Variants in CNTNAP2 observed in about 807,000 individuals in gnomAD.
CNTNAP2 encodes the protein contactin-associated protein-like 2.
A neutral mutation model predicts 155.2 loss-of-function variants in CNTNAP2; 98 were observed. That is an observed-to-expected ratio of 0.63 (90% CI 0.54 to 0.75). The LOEUF (loss-of-function observed/expected upper bound fraction) is 0.75, where lower values mean the gene tolerates loss of function less well. Among genes scored for constraint, CNTNAP2 ranks in the 30% least tolerant of loss-of-function variants. The probability of loss-of-function intolerance (pLI) is 0.00; values close to 1 mark genes in which losing one functional copy is unlikely to be tolerated. For synonymous variants in CNTNAP2, 651 were observed against 631.2 expected (o/e 1.03, Z -0.47); for missense variants, 1,727 against 1,688.1 (o/e 1.02, Z -0.40).
chr7:146,350,661 C>A (rs1218462881), intron 1 of CNTNAP2, among the ~76,000 whole-genome samples: 1 of 152,034 alleles, frequency 6.6e-6, no homozygotes. Context: ...CCATTTGACC[C>A]AGCCATCCCA....
chr7:147,170,551 C>A (rs1347193254), intron 8 of CNTNAP2, among the ~76,000 whole-genome samples: 3 of 140,870 alleles, frequency 2.1e-5, no homozygotes, highest in Non-Finnish European at 4.6e-5. Flanking sequence ...GCCACACCAG[C>A]CTGTGAACCT....
intron 9 of CNTNAP2, among the ~76,000 whole-genome samples, chr7:147,304,984 A>G (rs1051989741): frequency 6.6e-6 from 1 of 152,122 alleles, no homozygotes; most frequent in Non-Finnish European, 1.5e-5. Context: ...AGAGAGAGAA[A>G]GACAGAGAGC....
intron 15 of CNTNAP2, among the ~76,000 whole-genome samples, chr7:148,048,296 A>G (rs1160023016): frequency 6.6e-6 from 1 of 152,176 alleles, no homozygotes; most frequent in Non-Finnish European, 1.5e-5. Context: ...ACTGTCATGT[A>G]GCTGCATGGA....
chr7:146,345,876 A>G (rs1794811535), intron 1 of CNTNAP2, among the ~76,000 whole-genome samples: 1 of 152,136 alleles, frequency 6.6e-6, no homozygotes, highest in South Asian at 2.1e-4. Flanking sequence ...CGAACTAGTC[A>G]CTAGTCTCAC....
chr7:146,545,280 G>C (rs763338166), intron 1 of CNTNAP2, among the ~76,000 whole-genome samples: 1 of 151,852 alleles, frequency 6.6e-6, no homozygotes, highest in Non-Finnish European at 1.5e-5. Context: ...TGTAATATCA[G>C]CTACCGTGAA....
intron 13 of CNTNAP2, among the ~76,000 whole-genome samples, chr7:147,731,638 A>G (rs1563068728): frequency 6.6e-6 from 1 of 152,168 alleles, no homozygotes; most frequent in Non-Finnish European, 1.5e-5. Context: ...TGAATCAAGG[A>G]GTAATCCTGA....
chr7:146,797,191 G>C (rs1228794412), intron 2 of CNTNAP2, among the ~76,000 whole-genome samples: 1 of 152,152 alleles, frequency 6.6e-6, no homozygotes, highest in Admixed American at 6.5e-5. Context: ...AAAAGGGTGG[G>C]CCAGTTGCAC....
chr7:148,233,435 T>C (rs1795995698), intron 20 of CNTNAP2, among the ~76,000 whole-genome samples: 1 of 152,192 alleles, frequency 6.6e-6, no homozygotes, highest in Admixed American at 6.5e-5. Context: ...TCACAAGGTC[T>C]TACCACTTGG....
intron 13 of CNTNAP2, among the ~76,000 whole-genome samples, chr7:147,810,733 T>C (rs1023401559): frequency 5.3e-5 from 8 of 152,252 alleles, no homozygotes; most frequent in Non-Finnish European, 8.8e-5. Context: ...TGATTTCAAA[T>C]GCAGTTTTAT....
intron 15 of CNTNAP2, among the ~76,000 whole-genome samples, chr7:148,016,462 T>C (rs1802178728): frequency 6.6e-6 from 1 of 152,200 alleles, no homozygotes; most frequent in African/African-American, 2.4e-5. Context: ...AGTACCACTC[T>C]TCAGCAGCGT....
chr7:147,754,379 A>G (rs1161933682), intron 13 of CNTNAP2, among the ~76,000 whole-genome samples: 2 of 152,236 alleles, frequency 1.3e-5, no homozygotes, highest in African/African-American at 4.8e-5. Flanking sequence ...ACTAACCAAA[A>G]GAACTTAAGA....
intron 2 of CNTNAP2, among the ~76,000 whole-genome samples, chr7:146,802,658 C>A (rs1022826296): frequency 3.9e-5 from 6 of 152,136 alleles, no homozygotes; most frequent in African/African-American, 1.4e-4. Context: ...CACCATCCGC[C>A]ATGATTGTAA....
At chr7:148,295,660 T>A (rs1301844675) in intron 21 of CNTNAP2, among the ~76,000 whole-genome samples, 4 of 147,560 alleles carry the variant, frequency 2.7e-5, no homozygotes, top group African/African-American at 1.0e-4. Context: ...CCTGGCTAAT[T>A]TTTTGTATTT....
chr7:147,660,306 C>T (rs1309850962), intron 13 of CNTNAP2, among the ~76,000 whole-genome samples: 5 of 152,126 alleles, frequency 3.3e-5, no homozygotes, highest in Non-Finnish European at 7.4e-5. Flanking sequence ...CCTTTTCCTC[C>T]TACAGTTTTC....
chr7:148,329,870 G>C (rs912518449), intron 21 of CNTNAP2, among the ~76,000 whole-genome samples: 1 of 151,490 alleles, frequency 6.6e-6, no homozygotes, highest in Middle Eastern at 3.2e-3. Flanking sequence ...CACACCCCCC[G>C]GGCCAGGGCC....
chr7:148,073,945 G>T (rs985904185), intron 15 of CNTNAP2, among the ~76,000 whole-genome samples: 1 of 152,034 alleles, frequency 6.6e-6, no homozygotes, highest in Non-Finnish European at 1.5e-5. Flanking sequence ...GAATGTGCTC[G>T]GATTTTGGTA....
chr7:146,483,506 T>TGTGC (rs1280081102), intron 1 of CNTNAP2, among the ~76,000 whole-genome samples: 2 of 150,058 alleles, frequency 1.3e-5, no homozygotes, highest in Non-Finnish European at 3.0e-5. Context: ...TGTGTGTGTG[T>TGTGC]GTGCGTGTGT....
chr7:147,870,872 C>T (rs1025922963), intron 13 of CNTNAP2, among the ~76,000 whole-genome samples: 16 of 152,018 alleles, frequency 1.1e-4, no homozygotes, highest in African/African-American at 3.1e-4. Context: ...GGCTTACCTC[C>T]GTGGTCTGAG....
chr7:147,232,040 T>G (rs1803692657), intron 8 of CNTNAP2, among the ~76,000 whole-genome samples: 1 of 152,076 alleles, frequency 6.6e-6, no homozygotes, highest in African/African-American at 2.4e-5. Context: ...ACAAACCAAC[T>G]GAAACAGAAA....
Sources: allele counts gnomAD v4.1 joint callset (sites outside exome capture counted in the v4.1 genomes callset), GRCh38; gene constraint gnomAD v4.1.1; transcripts MANE v1.5; gene names NCBI Gene and HGNC (gene_info 2026-07-23, HGNC 2026-07-21).